Variants in MRPS21 observed in about 807,000 individuals in gnomAD.
The protein encoded by MRPS21 is mitochondrial ribosomal protein S21.
MRPS21 carries 8 observed loss-of-function variants against 9.9 expected under a neutral mutation model. That is an observed-to-expected ratio of 0.81 (90% CI 0.47 to 1.45). The LOEUF is 1.45. Ranked by LOEUF, MRPS21 falls within the 40% of genes most tolerant of loss-of-function variation. The pLI, the probability that MRPS21 is intolerant of heterozygous loss-of-function variation, is 0.00. For missense variants in MRPS21, 101 were observed against 118.9 expected, an observed-to-expected ratio of 0.85 and a Z score of 0.70; for synonymous variants, 40 against 40.3, an observed-to-expected ratio of 0.99 and a Z score of 0.03.
At chr1:150,295,428 G>A (rs1270237107) in intron 2 of MRPS21, among the ~76,000 whole-genome samples, 5 of 152,184 alleles carry the variant, frequency 3.3e-5, no homozygotes, top group Non-Finnish European at 5.9e-5. Context: ...TACAGAGGGA[G>A]TCTCGCCATG....
intron 2 of MRPS21, among the ~76,000 whole-genome samples, chr1:150,296,184 G>C (rs1383072354): frequency 6.6e-6 from 1 of 152,086 alleles, no homozygotes; most frequent in African/African-American, 2.4e-5. Flanking sequence ...TCTTGACCTC[G>C]TGATCCACCC....
intron 2 of MRPS21, among the ~76,000 whole-genome samples, chr1:150,307,461 G>T (rs587596606): frequency 6.8e-6 from 1 of 146,470 alleles, no homozygotes; most frequent in South Asian, 2.2e-4. Flanking sequence ...AGGTTCAATT[G>T]ATCCTCCCAC....
rs1553858804 is a variant in MRPS21 at position 150,308,052 on chromosome 1, C to T, written c.88C>T (p.Leu30Phe). The change falls in exon 3 of 3, where the codon CTC becomes TTC. Residue 30 changes from leucine to phenylalanine, a missense_variant. Physicochemically the swap from Leu to Phe is conservative, Grantham distance 22. Coordinates refer to ENST00000614145, the MANE Select transcript of MRPS21 (RefSeq NM_031901.6). ...TCATTGCTTGCCTTTATACAGAATC[C>T]TCACTATGGATGGGCTCATTGAGGA... Reference protein sequence around the residue: ...ESAYRTLNRILTMDGLIEDIK... With the variant: ...ESAYRTLNRIFTMDGLIEDIK... 6.3e-7 allele frequency: 1 copy of T among 1,577,234 alleles called. No individual in the cohort carries two copies. Among genetic ancestry groups the T allele is most frequent in the South Asian group, 1.1e-5 (1 of 89,310 alleles).
At chr1:150,301,489 C>T (rs1313598179) in intron 2 of MRPS21, among the ~76,000 whole-genome samples, 4 of 152,128 alleles carry the variant, frequency 2.6e-5, no homozygotes, top group Admixed American at 1.3e-4. Flanking sequence ...GGGACGAGAG[C>T]GAGACTTCGT....
chr1:150,308,019 G>T, intron 2 of MRPS21, 29 bp from the exon 3 acceptor site: 1 of 1,537,656 alleles, frequency 6.5e-7, no homozygotes, highest in South Asian at 1.2e-5. Flanking sequence ...GATCCCAAAT[G>T]TCTAACCTCA....
chr1:150,298,726 C>T (rs587647374), intron 2 of MRPS21, among the ~76,000 whole-genome samples: 4 of 152,210 alleles, frequency 2.6e-5, no homozygotes, highest in East Asian at 3.9e-4. Context: ...CTCAGCCTCC[C>T]GAGTAGCTGG....
In MRPS21 at chr1:150,299,457, T is replaced by C. The variant is rs781994982; in HGVS notation, c.83+5008T>C. On this transcript the variant is annotated intron_variant, in intron 2 of 2. Coordinates refer to ENST00000614145, the MANE Select transcript of MRPS21 (RefSeq NM_031901.6). Reference sequence around the variant, plus strand: ...TTTTTTTCTGTTTTTTGTTTGTTTGTTTGTTTGTTTGTTTGAGACGATGTC... The same window carrying C: ...TTTTTTTCTGTTTTTTGTTTGTTTGCTTGTTTGTTTGTTTGAGACGATGTC... Among the ~76,000 whole-genome samples the C allele has an allele frequency of 2.6e-5, 4 of 151,900 alleles. No individual in the cohort carries two copies. The South Asian group carries it at 8.3e-4, about 31-fold the overall frequency.
At chr1:150,307,799 C>T (rs927518006) in intron 2 of MRPS21, among the ~76,000 whole-genome samples, 3 of 152,218 alleles carry the variant, frequency 2.0e-5, no homozygotes, top group Non-Finnish European at 4.4e-5. Flanking sequence ...AGGCTGGTCT[C>T]AAACTCCTGG....
At chr1:150,294,896 C>CAAAAAAAA (rs143847321) in intron 2 of MRPS21, among the ~76,000 whole-genome samples, 1,614 of 136,290 alleles carry the variant, frequency 0.012, 55 homozygotes, top group African/African-American at 0.042. Flanking sequence ...GACTCTATCT[C>CAAAAAAAA]AAAAAAAAAG....
At chr1:150,296,756 TTA>T (rs67441433) in intron 2 of MRPS21, among the ~76,000 whole-genome samples, 12,027 of 124,270 alleles carry the variant, frequency 0.097, 650 homozygotes, top group Admixed American at 0.2. Context: ...TCTTTAATAA[TTA>T]TTACTAGTCT....
intron 2 of MRPS21, among the ~76,000 whole-genome samples, chr1:150,306,865 C>T (rs782550351): frequency 2.5e-4 from 38 of 152,074 alleles, no homozygotes; most frequent in Non-Finnish European, 4.7e-4. Context: ...GAAAATGGCT[C>T]TCCCCAGTTG....
intron 2 of MRPS21, among the ~76,000 whole-genome samples, chr1:150,307,580 T>C (rs111754048): frequency 6.7e-6 from 1 of 148,806 alleles, no homozygotes; most frequent in Non-Finnish European, 1.5e-5. Flanking sequence ...CTGAACAATA[T>C]TTTTTTTCTT....
chr1:150,303,610 T>G (rs1479606986), intron 2 of MRPS21, among the ~76,000 whole-genome samples: 3 of 152,172 alleles, frequency 2.0e-5, no homozygotes, highest in African/African-American at 7.2e-5. Context: ...CTGAATTCTG[T>G]TTATAGTTCC....
At chr1:150,298,640 C>T (rs1302248152) in intron 2 of MRPS21, among the ~76,000 whole-genome samples, 3 of 152,244 alleles carry the variant, frequency 2.0e-5, no homozygotes, top group South Asian at 2.1e-4. Flanking sequence ...CTCCCTCTGT[C>T]GCCCAGGCTG....
chr1:150,308,505 G>A lies in MRPS21; in HGVS notation c.*277G>A, dbSNP rs1209365503. ...GCAGTGAGGAGTTATTGTTTAATGGGTACAGAGTTTCAGTTTGGGCAGATG... is the reference window on the plus strand; with the variant it reads ...GCAGTGAGGAGTTATTGTTTAATGGATACAGAGTTTCAGTTTGGGCAGATG... On this transcript the variant is annotated 3_prime_UTR_variant, in exon 3 of 3. Transcript: ENST00000614145. 1.5e-5 allele frequency: 4 copies of A among 262,224 alleles called. No homozygotes were observed. The highest frequency in any genetic ancestry group is 2.9e-5 in the Non-Finnish European group (4 of 136,406). 16.2% of individuals were successfully genotyped at this position (262,224 alleles called of 1,614,324 possible).
chr1:150,299,702 G>A (rs587694646), intron 2 of MRPS21, among the ~76,000 whole-genome samples: 3 of 152,132 alleles, frequency 2.0e-5, no homozygotes, highest in East Asian at 3.9e-4. Flanking sequence ...TGATCCACCC[G>A]CCTCTGTCTC....
rs1654121970 is a variant in MRPS21, at chr1:150,301,346, A to AT, written c.84-6702_84-6701insT. ...GCGAGACTTCGTCTCAAAAGAAAAA[A>AT]AATTAGCCGGACATGGTGGCAGGTG... On this transcript the variant is annotated intron_variant, in intron 2 of 2. Transcript: ENST00000614145. The AT allele has an allele frequency of 3.6e-5, 11 of 308,070 alleles. 1 individual carries two copies. The highest frequency in any genetic ancestry group is 2.6e-4 in the South Asian group (11 of 42,086). The allele number at this position is 308,070 out of a possible 1,614,324, so 19.1% of individuals were successfully genotyped here.
chr1:150,303,674 A>G (rs1358886443), intron 2 of MRPS21, among the ~76,000 whole-genome samples: 1 of 152,194 alleles, frequency 6.6e-6, no homozygotes, highest in African/African-American at 2.4e-5. Flanking sequence ...CCTCATCTAT[A>G]AAAAGAGGAC....
chr1:150,301,027 G>A (rs1373102320), intron 2 of MRPS21, among the ~76,000 whole-genome samples: 2 of 150,752 alleles, frequency 1.3e-5, no homozygotes, highest in South Asian at 4.2e-4. Context: ...ATGAAACCCT[G>A]TCTCTACTAA....
Sources: allele counts gnomAD v4.1 joint callset (sites outside exome capture counted in the v4.1 genomes callset), GRCh38; gene constraint gnomAD v4.1.1; transcripts MANE v1.5; gene names NCBI Gene and HGNC (gene_info 2026-07-23, HGNC 2026-07-21).